Variants in UTS2B observed in about 807,000 individuals in gnomAD.
The protein encoded by UTS2B is urotensin 2B.
UTS2B carries 21 observed loss-of-function variants against 19.2 expected under a neutral mutation model. The observed-to-expected ratio is 1.09, with a 90% CI of 0.78 to 1.58. The LOEUF is 1.58. Among genes scored for constraint, UTS2B ranks in the 40% most tolerant of loss-of-function variants. UTS2B has a pLI of 0.00. For synonymous variants in UTS2B, 57 were observed against 50.2 expected (o/e 1.14, Z -0.58); for missense variants, 138 against 130.3 (o/e 1.06, Z -0.29).
At chr3:191,292,632 G>GT (rs1337976667) in intron 4 of UTS2B, among the ~76,000 whole-genome samples, 1 of 152,016 alleles carries the variant, frequency 6.6e-6, no homozygotes, top group Non-Finnish European at 1.5e-5. Context: ...TTCAATTTGG[G>GT]TATCTTTTAT....
In UTS2B at chr3:191,329,801, A is replaced by G. The variant is rs1048420970; in HGVS notation, c.-665+613T>C. The G allele has an allele frequency of 7.6e-5, 113 of 1,489,354 alleles. 1 individual carries two copies. Among genetic ancestry groups the G allele is most frequent in the Non-Finnish European group, 9.7e-5 (106 of 1,092,008 alleles). The allele number at this position is 1,489,354 out of a possible 1,614,324, so 92.3% of individuals were successfully genotyped here. A position where few individuals can be genotyped will look rare whatever the true frequency, so the allele number is the denominator to read the frequency against. On this transcript the variant is annotated intron_variant, in intron 1 of 8. Coordinates refer to ENST00000340524, the MANE Select transcript of UTS2B (RefSeq NM_198152.5). ...GTTCTCTCAGGTCAGGGGCGTTGCC[A>G]TTTCGGCTCCCGCGGCCCTCGCCCG...
the UTS2B span, among the ~76,000 whole-genome samples, chr3:191,346,080 G>T: frequency 6.6e-6 from 1 of 152,014 alleles, no homozygotes; most frequent in African/African-American, 2.4e-5. Context: ...TCTTACATTG[G>T]TGTTCAGGAA....
chr3:191,315,405 C>G (rs1005737451), intron 3 of UTS2B, among the ~76,000 whole-genome samples: 1 of 152,172 alleles, frequency 6.6e-6, no homozygotes, highest in East Asian at 1.9e-4. Context: ...CAACTTGGGA[C>G]CTGTGGTTGG....
At chr3:191,277,224 A>G (rs1456614614) in intron 6 of UTS2B, among the ~76,000 whole-genome samples, 1 of 152,160 alleles carries the variant, frequency 6.6e-6, no homozygotes, top group African/African-American at 2.4e-5. Flanking sequence ...AATTCAATCG[A>G]GAAGAAAATT....
At chr3:191,323,956 T>C (rs994649865) in intron 2 of UTS2B, among the ~76,000 whole-genome samples, 2 of 152,168 alleles carry the variant, frequency 1.3e-5, no homozygotes, top group African/African-American at 4.8e-5. Context: ...TTGGCGGAGA[T>C]GGTGCGATGG....
chr3:191,279,056 G>A (rs1184779605), intron 5 of UTS2B, among the ~76,000 whole-genome samples: 1 of 151,986 alleles, frequency 6.6e-6, no homozygotes, highest in Non-Finnish European at 1.5e-5. Context: ...TGGCTTATAA[G>A]TTGACTGGAC....
intron 3 of UTS2B, among the ~76,000 whole-genome samples, chr3:191,310,853 T>C (rs540599006): frequency 2.6e-5 from 4 of 152,344 alleles, no homozygotes; most frequent in Non-Finnish European, 4.4e-5. Context: ...CCTACATCTC[T>C]TAAATATTTG....
intron 4 of UTS2B, among the ~76,000 whole-genome samples, chr3:191,298,532 A>G (rs1258378778): frequency 6.6e-6 from 1 of 152,124 alleles, no homozygotes; most frequent in Non-Finnish European, 1.5e-5. Flanking sequence ...GCCTCCCCAG[A>G]GCCATTATGC....
chr3:191,293,342 C>A (rs567819001), intron 4 of UTS2B, among the ~76,000 whole-genome samples: 5 of 152,148 alleles, frequency 3.3e-5, no homozygotes, highest in Admixed American at 3.3e-4. Context: ...CTTCCTTAAA[C>A]ATCTGGTAGA....
At chr3:191,280,696 T>C (rs943437689) in intron 5 of UTS2B, among the ~76,000 whole-genome samples, 1 of 152,148 alleles carries the variant, frequency 6.6e-6, no homozygotes, top group African/African-American at 2.4e-5. Context: ...TTAACTGTAA[T>C]CTAGCAAATG....
At chr3:191,318,922 C>A (rs1717537907) in intron 2 of UTS2B, among the ~76,000 whole-genome samples, 1 of 152,000 alleles carries the variant, frequency 6.6e-6, no homozygotes. Context: ...CACAGCTGCA[C>A]TTGTATTCAT....
chr3:191,284,535 G>A (rs1716481270), intron 4 of UTS2B, among the ~76,000 whole-genome samples: 2 of 144,100 alleles, frequency 1.4e-5, no homozygotes, highest in East Asian at 2.1e-4. Context: ...CTGGTCACAC[G>A]CTGGTCTTGA....
intron 7 of UTS2B, 107 bp downstream of exon 7, chr3:191,276,699 AG>A: frequency 1.1e-6 from 1 of 931,118 alleles, no homozygotes; most frequent in Non-Finnish European, 1.6e-6. Context: ...CAGGAATAAA[AG>A]TTTTACATTG....
chr3:191,340,198 G>T, the UTS2B span, among the ~76,000 whole-genome samples: 1 of 152,196 alleles, frequency 6.6e-6, no homozygotes, highest in African/African-American at 2.4e-5. Flanking sequence ...AAGGTGACTT[G>T]TCAAAGTTCA....
chr3:191,283,825 C>T (rs1716458241), intron 4 of UTS2B, among the ~76,000 whole-genome samples: 2 of 152,152 alleles, frequency 1.3e-5, no homozygotes, highest in South Asian at 4.1e-4. Context: ...ATCCTAAAAG[C>T]TTATTCTTCC....
intron 7 of UTS2B, among the ~76,000 whole-genome samples, chr3:191,276,335 C>T (rs2886063): frequency 0.13 from 19,578 of 152,116 alleles, 3,620 homozygotes; most frequent in African/African-American, 0.41. Context: ...TAGGGGTCCC[C>T]GTCAAGAAGG....
intron 4 of UTS2B, among the ~76,000 whole-genome samples, chr3:191,291,456 A>C (rs1338614240): frequency 7.4e-6 from 1 of 135,018 alleles, no homozygotes; most frequent in Admixed American, 7.5e-5. Context: ...TCTTTGAACC[A>C]CTTTCTTTTT....
Position 191,282,255 on chromosome 3 carries a change from G to A in UTS2B, c.-66C>T. On this transcript the variant is annotated 5_prime_UTR_variant, in exon 5 of 9. Transcript: ENST00000340524. ...CCAGGTCAAGATGGATATTTCTATAGCTTTGGAATTCAGTAGAGCTTAGTT... is the reference window on the plus strand; with the variant it reads ...CCAGGTCAAGATGGATATTTCTATAACTTTGGAATTCAGTAGAGCTTAGTT... The A allele has an allele frequency of 8.0e-7, 1 of 1,252,050 alleles. No individual in the cohort carries two copies. The highest frequency in any genetic ancestry group is 1.1e-6 in the Non-Finnish European group (1 of 886,578). The allele number at this position is 1,252,050 out of a possible 1,614,324, so 77.6% of individuals were successfully genotyped here.
At chr3:191,335,921 A>G in the UTS2B span, among the ~76,000 whole-genome samples, 1 of 148,798 alleles carries the variant, frequency 6.7e-6, no homozygotes, top group Non-Finnish European at 1.5e-5. Context: ...CAAACTTCTC[A>G]ACCCCCGTTT....
Sources: gnomAD v4.1 joint callset for allele counts (sites outside exome capture counted in the v4.1 genomes callset) on GRCh38, gnomAD v4.1.1 for gene constraint, MANE v1.5 for transcripts, NCBI Gene and HGNC (gene_info 2026-07-23, HGNC 2026-07-21) for gene names.